ZNF536: variants seen among roughly 807,000 people sequenced by gnomAD.
ZNF536 encodes zinc finger protein 536.
ZNF536 carries 13 observed loss-of-function variants against 84.5 expected under a neutral mutation model. That is an observed-to-expected ratio of 0.15 (90% CI 0.10 to 0.24). The LOEUF is 0.24. Ranked by LOEUF, ZNF536 falls within the 10% of genes least tolerant of loss-of-function variation. The probability of loss-of-function intolerance (pLI) is 1.00; values close to 1 mark genes in which losing one functional copy is unlikely to be tolerated. For missense variants in ZNF536, 1,536 were observed against 1,747.5 expected, an observed-to-expected ratio of 0.88 and a Z score of 2.16; for synonymous variants, 811 against 742.5, an observed-to-expected ratio of 1.09 and a Z score of -1.50.
intron 2 of ZNF536, among the ~76,000 whole-genome samples, chr19:30,309,791 G>A (rs866882511): frequency 6.6e-6 from 1 of 152,156 alleles, no homozygotes; most frequent in South Asian, 2.1e-4. Context: ...TTCCATTCAC[G>A]TCTCCCTCCT....
At chr19:30,316,335 G>T (rs1337983496) in intron 2 of ZNF536, among the ~76,000 whole-genome samples, 1 of 152,112 alleles carries the variant, frequency 6.6e-6, no homozygotes, top group Admixed American at 6.5e-5. Flanking sequence ...GAGGAAGGCT[G>T]GTATCATCTA....
chr19:30,291,724 T>G (rs2145807203), intron 2 of ZNF536, among the ~76,000 whole-genome samples: 1 of 152,362 alleles, frequency 6.6e-6, no homozygotes, highest in African/African-American at 2.4e-5. Context: ...CCTCCACTTC[T>G]TCCACACCCT....
intron 2 of ZNF536, among the ~76,000 whole-genome samples, chr19:30,460,549 C>T (rs756905098): frequency 6.6e-6 from 1 of 152,170 alleles, no homozygotes. Context: ...GTTCTTTGGC[C>T]ACTTTCTCCA....
chr19:30,297,909 C>T (rs1046910481), intron 2 of ZNF536, among the ~76,000 whole-genome samples: 1 of 147,438 alleles, frequency 6.8e-6, no homozygotes, highest in Non-Finnish European at 1.5e-5. Context: ...GGAGTCCCCC[C>T]CCCCTCTGTC....
intron 2 of ZNF536, among the ~76,000 whole-genome samples, chr19:30,347,939 C>T (rs562864980): frequency 2.6e-5 from 4 of 152,326 alleles, no homozygotes; most frequent in African/African-American, 9.6e-5. Flanking sequence ...AGGATGTCTT[C>T]TCCTATGTCT....
intron 1 of ZNF536, among the ~76,000 whole-genome samples, chr19:30,708,353 A>AGGTTT (rs1287752267): frequency 6.6e-6 from 1 of 152,134 alleles, no homozygotes; most frequent in Non-Finnish European, 1.5e-5. Context: ...AGACCATCTG[A>AGGTTT]GGTTTGGTTT....
At chr19:30,291,309 G>A (rs1284578599) in intron 2 of ZNF536, among the ~76,000 whole-genome samples, 1 of 152,216 alleles carries the variant, frequency 6.6e-6, no homozygotes, top group Non-Finnish European at 1.5e-5. Flanking sequence ...TACCAACCAT[G>A]TAAAAGCATT....
intron 2 of ZNF536, among the ~76,000 whole-genome samples, chr19:30,347,423 A>G (rs1232194115): frequency 6.6e-6 from 1 of 152,222 alleles, no homozygotes; most frequent in Non-Finnish European, 1.5e-5. Context: ...TTTCCGCCAC[A>G]GGGGGCCCAG....
intron 2 of ZNF536, among the ~76,000 whole-genome samples, chr19:30,446,529 C>T (rs900395525): frequency 1.3e-5 from 2 of 152,108 alleles, no homozygotes; most frequent in Non-Finnish European, 2.9e-5. Context: ...ATGCAGGCAC[C>T]GCAGTCTCCC....
intron 2 of ZNF536, among the ~76,000 whole-genome samples, chr19:30,531,445 ATT>A (rs35093534): frequency 9.7e-4 from 140 of 144,874 alleles, no homozygotes; most frequent in African/African-American, 3.3e-3. Flanking sequence ...CTTTTTTGTG[ATT>A]TTTTTTTTTT....
intron 1 of ZNF536, among the ~76,000 whole-genome samples, chr19:30,641,768 G>A (rs892485008): frequency 2.6e-5 from 4 of 152,046 alleles, no homozygotes; most frequent in East Asian, 1.9e-4. Flanking sequence ...GTCACTTCCC[G>A]CCAAATCTCA....
At chr19:30,476,256 G>A (rs1156270175) in intron 2 of ZNF536, among the ~76,000 whole-genome samples, 3 of 152,168 alleles carry the variant, frequency 2.0e-5, no homozygotes, top group Admixed American at 2.0e-4. Flanking sequence ...CGCTCTTACT[G>A]AGCTACATGA....
intron 1 of ZNF536, among the ~76,000 whole-genome samples, chr19:30,632,570 C>T (rs948271530): frequency 8.5e-5 from 13 of 152,138 alleles, no homozygotes; most frequent in African/African-American, 3.1e-4. Context: ...CACGACATTG[C>T]ACTCCAGCCT....
In ZNF536 at chr19:30,539,414, C is replaced by T. The variant is rs529619375; in HGVS notation, c.2323+4415C>T. ...GGAGAGGGCCACCTTCTTTACTCAG[C>T]CCACCCATTCAAACGTTCATCTCAT... On this transcript the variant is annotated intron_variant, in intron 3 of 4. Coordinates refer to ENST00000355537, the MANE Select transcript of ZNF536 (RefSeq NM_014717.3). Among the ~76,000 whole-genome samples the T allele has an allele frequency of 2.4e-4, 37 of 152,316 alleles. No individual in the cohort carries two copies. The South Asian group carries it at 7.7e-3, about 32-fold the overall frequency.
intron 1 of ZNF536, among the ~76,000 whole-genome samples, chr19:30,243,519 T>C (rs2024077003): frequency 6.6e-6 from 1 of 152,230 alleles, no homozygotes; most frequent in Non-Finnish European, 1.5e-5. Context: ...GTGATTGTTC[T>C]ATATTAATCA....
intron 2 of ZNF536, among the ~76,000 whole-genome samples, chr19:30,517,741 C>T (rs1204769430): frequency 1.3e-5 from 2 of 152,086 alleles, no homozygotes; most frequent in Non-Finnish European, 2.9e-5. Context: ...ATGATCACAC[C>T]ACTGCATTCC....
intron 2 of ZNF536, among the ~76,000 whole-genome samples, chr19:30,338,598 T>C (rs559280474): frequency 1.3e-5 from 2 of 152,262 alleles, no homozygotes; most frequent in South Asian, 4.1e-4. Flanking sequence ...GACTGGATCC[T>C]AGTGCTATCA....
At chr19:30,303,694 A>T (rs1262011852) in intron 2 of ZNF536, among the ~76,000 whole-genome samples, 1 of 151,880 alleles carries the variant, frequency 6.6e-6, no homozygotes, top group Non-Finnish European at 1.5e-5. Flanking sequence ...GTAGAGACAA[A>T]GTTTCACCAT....
At chr19:30,370,988 T>TG (rs200143805), upstream of ZNF536, among the ~76,000 whole-genome samples, 4 of 152,252 alleles carry the variant, frequency 2.6e-5, no homozygotes, top group East Asian at 7.7e-4. Flanking sequence ...GAAGCTGTTA[T>TG]GGTATTGATT....
Sources: gnomAD v4.1 joint callset for allele counts (sites outside exome capture counted in the v4.1 genomes callset) on GRCh38, gnomAD v4.1.1 for gene constraint, MANE v1.5 for transcripts, NCBI Gene and HGNC (gene_info 2026-07-23, HGNC 2026-07-21) for gene names.